The following GPC6 variants were observed in gnomAD, a reference collection of about 807,000 sequenced individuals.
GPC6 encodes glypican 6, also known as glypican-6.
A neutral mutation model predicts 55.2 loss-of-function variants in GPC6; 14 were observed. That is an observed-to-expected ratio of 0.25 (90% CI 0.17 to 0.40). The LOEUF is 0.40. GPC6 is among the 10% of genes least tolerant of loss of function. GPC6 has a pLI of 1.00. For missense variants in GPC6, 641 were observed against 708.5 expected (o/e 0.90, Z 1.08); for synonymous variants, 278 against 259.6 (o/e 1.07, Z -0.68).
At chr13:94,136,106 C>T (rs904147603) in intron 4 of GPC6, among the ~76,000 whole-genome samples, 20 of 151,258 alleles carry the variant, frequency 1.3e-4, no homozygotes, top group African/African-American at 4.9e-4. Context: ...TTTCTTAAAG[C>T]AAAGGATTAA....
chr13:93,957,473 G>A (rs1192445476), intron 3 of GPC6, among the ~76,000 whole-genome samples: 2 of 152,116 alleles, frequency 1.3e-5, no homozygotes, highest in African/African-American at 4.8e-5. Flanking sequence ...AGAACATGAG[G>A]TATTTGGCTT....
At chr13:93,682,440 G>C (rs1209179424) in intron 2 of GPC6, among the ~76,000 whole-genome samples, 1 of 152,102 alleles carries the variant, frequency 6.6e-6, no homozygotes, top group African/African-American at 2.4e-5. Flanking sequence ...CCCTGAAGGT[G>C]CTGTCAGGGG....
chr13:93,501,001 A>G (rs1054031207), intron 1 of GPC6, among the ~76,000 whole-genome samples: 31 of 152,138 alleles, frequency 2.0e-4, no homozygotes, highest in Non-Finnish European at 4.4e-5. Context: ...CTTTATGCAC[A>G]TTTTCTGTAC....
chr13:93,678,606 T>G (rs1054223102), intron 2 of GPC6, among the ~76,000 whole-genome samples: 2 of 152,152 alleles, frequency 1.3e-5, no homozygotes, highest in Admixed American at 1.3e-4. Flanking sequence ...CTCCCTGCAG[T>G]CAGAGTTAGG....
At chr13:93,997,983 T>C (rs1373261070) in intron 3 of GPC6, among the ~76,000 whole-genome samples, 2 of 152,204 alleles carry the variant, frequency 1.3e-5, no homozygotes, top group African/African-American at 2.4e-5. Flanking sequence ...TTCCTAGCCA[T>C]GTTGATTTCA....
intron 3 of GPC6, among the ~76,000 whole-genome samples, chr13:93,991,839 A>G (rs1305168281): frequency 6.6e-6 from 1 of 152,192 alleles, no homozygotes; most frequent in Admixed American, 6.5e-5. Context: ...ATGATATAAC[A>G]TCACTCTTTA....
intron 1 of GPC6, among the ~76,000 whole-genome samples, chr13:93,530,595 G>A (rs556270363): frequency 3.5e-4 from 54 of 152,128 alleles, no homozygotes; most frequent in African/African-American, 1.2e-3. Flanking sequence ...TAGAACCGGC[G>A]CATATTGGTT....
chr13:93,832,145 A>ATATATATATATATAT (rs71272209), intron 3 of GPC6, among the ~76,000 whole-genome samples: 26 of 117,394 alleles, frequency 2.2e-4, no homozygotes, highest in South Asian at 5.9e-4. Context: ...ATATATATAT[A>ATATATATATATATAT]ATGTCCTTAC....
At chr13:93,914,580 A>G (rs546274064) in intron 3 of GPC6, among the ~76,000 whole-genome samples, 10 of 152,328 alleles carry the variant, frequency 6.6e-5, no homozygotes, top group African/African-American at 2.4e-4. Flanking sequence ...AAATTTTCTC[A>G]TCGGTCTTAT....
rs531422025 is a variant in GPC6, at chr13:93,338,139, C to G, written c.160+110523C>G. ...TTTCTTCTTCCTTTTCTCTTCTATA[C>G]CTATAAATCAGCAAGTAACAAAACG... is the stretch of plus-strand genomic sequence containing the variant. On this transcript the variant is annotated intron_variant, in intron 1 of 8. Transcript: ENST00000377047. Among the ~76,000 whole-genome samples the G allele has an allele frequency of 4.6e-5, 7 of 152,254 alleles. No individual in the cohort carries two copies. The East Asian group carries it at 1.4e-3, about 29-fold the overall frequency.
At position 93,275,539 on chromosome 13, in the gene GPC6, A is replaced by C. The variant is rs977452744; in HGVS notation, c.160+47923A>C. ...TTCCACAGGCTAGATGGCTTAGGGG[A>C]CAGAAATTAATTTCCTTGTAGTTTC... On this transcript the variant is annotated intron_variant, in intron 1 of 8. Transcript: ENST00000377047. Among the ~76,000 whole-genome samples, 8 of 152,260 alleles carry C rather than the reference A, an allele frequency of 5.3e-5. No homozygotes were observed. In the South Asian group the frequency reaches 1.7e-3, roughly 32 times the overall value.
intron 6 of GPC6, among the ~76,000 whole-genome samples, chr13:94,310,817 C>T (rs1876204935): frequency 6.6e-6 from 1 of 152,186 alleles, no homozygotes; most frequent in South Asian, 2.1e-4. Flanking sequence ...CATCGAATGG[C>T]TGATTTAAAT....
At chr13:93,854,028 G>A (rs980755267) in intron 3 of GPC6, among the ~76,000 whole-genome samples, 11 of 151,552 alleles carry the variant, frequency 7.3e-5, no homozygotes, top group Admixed American at 3.3e-4. Context: ...ACTTCACGTC[G>A]TGGATCTGAT....
At chr13:93,670,089 A>T (rs1443709516) in intron 2 of GPC6, among the ~76,000 whole-genome samples, 2 of 152,176 alleles carry the variant, frequency 1.3e-5, no homozygotes, top group African/African-American at 4.8e-5. Flanking sequence ...TAAGGACTTG[A>T]GAGCAGTTAA....
At chr13:93,607,624 G>A (rs1878293265) in intron 2 of GPC6, among the ~76,000 whole-genome samples, 1 of 152,192 alleles carries the variant, frequency 6.6e-6, no homozygotes, top group African/African-American at 2.4e-5. Flanking sequence ...GATGGTGGAG[G>A]TAAAAAGGTT....
At chr13:93,819,654 T>C (rs2138963331) in intron 2 of GPC6, among the ~76,000 whole-genome samples, 3 of 152,266 alleles carry the variant, frequency 2.0e-5, no homozygotes, top group Middle Eastern at 6.8e-3. Context: ...GCTTTTAATT[T>C]TATATTCAGA....
intron 1 of GPC6, among the ~76,000 whole-genome samples, chr13:93,523,990 C>T (rs1343710262): frequency 6.6e-6 from 1 of 151,796 alleles, no homozygotes; most frequent in Admixed American, 6.6e-5. Context: ...GAGAGATATC[C>T]TCACATTAGA....
intron 2 of GPC6, among the ~76,000 whole-genome samples, chr13:93,674,725 G>A (rs1208396935): frequency 1.3e-5 from 2 of 152,126 alleles, no homozygotes; most frequent in African/African-American, 4.8e-5. Context: ...AACCATTCAG[G>A]TTGTGTGATG....
At chr13:93,737,452 C>A (rs1884046014) in intron 2 of GPC6, among the ~76,000 whole-genome samples, 1 of 152,056 alleles carries the variant, frequency 6.6e-6, no homozygotes, top group Non-Finnish European at 1.5e-5. Context: ...GCACCATAAT[C>A]CTTGGTAGAA....
Sources: gnomAD v4.1 joint callset for allele counts (sites outside exome capture counted in the v4.1 genomes callset) on GRCh38, gnomAD v4.1.1 for gene constraint, MANE v1.5 for transcripts, NCBI Gene and HGNC (gene_info 2026-07-23, HGNC 2026-07-21) for gene names.